NRXN1: variants seen among roughly 807,000 people sequenced by gnomAD.
The protein encoded by NRXN1 is neurexin 1, also known as neurexin-1.
In NRXN1, 39 loss-of-function variants were observed where a neutral mutation model predicts 150.9. The observed-to-expected ratio is 0.26, with a 90% confidence interval of 0.20 to 0.34. The LOEUF (loss-of-function observed/expected upper bound fraction) is 0.34. Among genes scored for constraint, NRXN1 ranks in the 10% least tolerant of loss-of-function variants. The pLI, the probability that NRXN1 is intolerant of heterozygous loss-of-function variation, is 1.00. For synonymous variants in NRXN1, 924 were observed against 757.0 expected (o/e 1.22, Z -3.62); for missense variants, 1,815 against 1,949.9 (o/e 0.93, Z 1.30).
chr2:50,965,964 T>C (rs999971864), intron 2 of NRXN1, among the ~76,000 whole-genome samples: 2 of 151,552 alleles, frequency 1.3e-5, no homozygotes, highest in African/African-American at 4.8e-5. Context: ...CATGTTATGT[T>C]GCCTTCTCTC....
At chr2:50,407,946 TAC>T (rs1480206179) in intron 17 of NRXN1, among the ~76,000 whole-genome samples, 1 of 152,184 alleles carries the variant, frequency 6.6e-6, no homozygotes, top group Non-Finnish European at 1.5e-5. Context: ...TTCTCACTCA[TAC>T]TATTTTAACA....
At chr2:50,272,561 C>T in intron 17 of NRXN1, among the ~76,000 whole-genome samples, 1 of 152,022 alleles carries the variant, frequency 6.6e-6, no homozygotes, top group East Asian at 1.9e-4. Flanking sequence ...CACAGATTCT[C>T]TGAAACAAGA....
chr2:50,798,204 G>A (rs1707110679), intron 5 of NRXN1, among the ~76,000 whole-genome samples: 1 of 152,070 alleles, frequency 6.6e-6, no homozygotes, highest in African/African-American at 2.4e-5. Context: ...AGCAGTAAAA[G>A]CATTGGTTAA....
At chr2:50,196,440 T>G (rs961904525) in intron 18 of NRXN1, among the ~76,000 whole-genome samples, 27 of 152,262 alleles carry the variant, frequency 1.8e-4, no homozygotes, top group African/African-American at 6.3e-4. Flanking sequence ...ATGTTTTGAT[T>G]ATCTAATGTG....
At chr2:50,784,229 C>T (rs1288866884) in intron 5 of NRXN1, among the ~76,000 whole-genome samples, 1 of 151,984 alleles carries the variant, frequency 6.6e-6, no homozygotes, top group Non-Finnish European at 1.5e-5. Context: ...ATAAATGAAT[C>T]GAGTCCTTAA....
intron 18 of NRXN1, among the ~76,000 whole-genome samples, chr2:50,145,331 C>T (rs1355408586): frequency 6.6e-6 from 1 of 151,254 alleles, no homozygotes; most frequent in African/African-American, 2.4e-5. Context: ...GTTTTTTTTC[C>T]TGAACCATTT....
intron 2 of NRXN1, among the ~76,000 whole-genome samples, chr2:50,987,955 A>C (rs1697970826): frequency 6.6e-6 from 1 of 151,974 alleles, no homozygotes; most frequent in South Asian, 2.1e-4. Flanking sequence ...AAAATGGATT[A>C]ATTTTTTAGG....
chr2:50,199,750 A>G (rs1200375683), intron 18 of NRXN1, among the ~76,000 whole-genome samples: 2 of 152,090 alleles, frequency 1.3e-5, no homozygotes, highest in African/African-American at 4.8e-5. Context: ...GGGTGTAGGA[A>G]CAAGCAGATT....
chr2:50,097,932 C>T (rs1700460513), intron 18 of NRXN1, among the ~76,000 whole-genome samples: 1 of 152,066 alleles, frequency 6.6e-6, no homozygotes, highest in Non-Finnish European at 1.5e-5. Flanking sequence ...AGCCACTGCC[C>T]CCAGCCACCC....
At chr2:50,028,084 T>C (rs946262642) in intron 21 of NRXN1, among the ~76,000 whole-genome samples, 2 of 152,260 alleles carry the variant, frequency 1.3e-5, no homozygotes, top group African/African-American at 4.8e-5. Flanking sequence ...AAAAAACTTT[T>C]GGCATATTTA....
intron 17 of NRXN1, among the ~76,000 whole-genome samples, chr2:50,288,915 G>A (rs1378735765): frequency 3.3e-5 from 5 of 152,092 alleles, no homozygotes; most frequent in African/African-American, 4.8e-5. Flanking sequence ...GAAATGAGAC[G>A]AAAAGTCAGA....
At chr2:50,685,250 A>C (rs746501359) in intron 5 of NRXN1, among the ~76,000 whole-genome samples, 7 of 152,158 alleles carry the variant, frequency 4.6e-5, no homozygotes, top group Non-Finnish European at 7.4e-5. Flanking sequence ...AATTGCCATC[A>C]CATAGCAAGA....
intron 8 of NRXN1, among the ~76,000 whole-genome samples, chr2:50,617,188 C>T (rs553320986): frequency 9.9e-5 from 15 of 152,058 alleles, no homozygotes; most frequent in East Asian, 1.9e-4. Flanking sequence ...ACACCCAGCA[C>T]GTTGGGAGGC....
At chr2:50,579,607 C>G (rs1671952702) in intron 8 of NRXN1, among the ~76,000 whole-genome samples, 1 of 152,088 alleles carries the variant, frequency 6.6e-6, no homozygotes, top group African/African-American at 2.4e-5. Flanking sequence ...CAAGATCACA[C>G]CACTGCACTT....
intron 5 of NRXN1, among the ~76,000 whole-genome samples, chr2:50,884,860 A>T (rs948321825): frequency 7.3e-5 from 11 of 151,536 alleles, no homozygotes; most frequent in Non-Finnish European, 1.3e-4. Context: ...TTTTCTATAA[A>T]CGCAAAAGTA....
At chr2:50,999,495 C>A (rs1420380977) in intron 2 of NRXN1, among the ~76,000 whole-genome samples, 2 of 151,968 alleles carry the variant, frequency 1.3e-5, no homozygotes, top group Non-Finnish European at 2.9e-5. Context: ...TCCAGGTACT[C>A]CCCCATAGTT....
chr2:50,852,526 G>T (rs17570033), intron 5 of NRXN1, among the ~76,000 whole-genome samples: 10,230 of 152,152 alleles, frequency 0.067, 460 homozygotes, highest in Non-Finnish European at 0.096. Flanking sequence ...AAAAGAGTCA[G>T]GTTCTGGTAC....
intron 17 of NRXN1, among the ~76,000 whole-genome samples, chr2:50,440,595 A>T (rs2085863979): frequency 6.6e-6 from 1 of 152,120 alleles, no homozygotes; most frequent in Non-Finnish European, 1.5e-5. Flanking sequence ...AATTTTATAT[A>T]AGGTGGCAAG....
intron 21 of NRXN1, among the ~76,000 whole-genome samples, chr2:49,953,823 C>T (rs922163581): frequency 1.2e-4 from 18 of 151,628 alleles, no homozygotes; most frequent in African/African-American, 2.4e-4. Context: ...ACATGGACAC[C>T]GGGAGGGCAA....
Sources: allele counts gnomAD v4.1 joint callset (sites outside exome capture counted in the v4.1 genomes callset), GRCh38; gene constraint gnomAD v4.1.1; transcripts MANE v1.5; gene names NCBI Gene and HGNC (gene_info 2026-07-23, HGNC 2026-07-21).